The following CANT1 variants were observed in gnomAD, a reference collection of about 807,000 sequenced individuals.
CANT1 encodes calcium activated nucleotidase 1, also known as soluble calcium-activated nucleotidase 1.
Under a neutral mutation model 30.0 loss-of-function variants are expected in CANT1, and 26 were observed. That is an observed-to-expected ratio of 0.87 (90% CI 0.64 to 1.20). CANT1 has a LOEUF of 1.20. Among genes scored for constraint, CANT1 ranks in the 50% most tolerant of loss-of-function variants. The pLI is 0.00. For synonymous variants in CANT1, 246 were observed against 251.8 expected (o/e 0.98, Z 0.22); for missense variants, 518 against 563.0 (o/e 0.92, Z 0.81).
In CANT1 at chr17:79,008,395, T is replaced by C. The variant is rs1336371806; in HGVS notation, c.-147+1269A>G. Among the ~76,000 whole-genome samples, 5 of 152,212 alleles carry C rather than the reference T, an allele frequency of 3.3e-5. No individual in the cohort carries two copies. The highest frequency in any genetic ancestry group is 7.3e-5 in the Non-Finnish European group (5 of 68,028). ...GATCCTGAAGGGCTGCGGCACCCGC[T>C]TCCTTTTAGGAGCCTTCTACGACCT... On this transcript the variant is annotated intron_variant, in intron 1 of 4. Coordinates refer to ENST00000392446, the MANE Select transcript of CANT1 (RefSeq NM_001159773.2). The surrounding 1 kb of genome is among the most constrained non-coding windows in gnomAD (Gnocchi z 4.4).
chr17:78,993,815 C>A lies in CANT1; in HGVS notation c.941G>T (p.Arg314Leu). ...GCTCAGCAGCAGGTTGGCGCCCTTG[C>A]GCTCGTCGTCCTTCTCGCTGTAGCG... ...QERYSEKDDE[R>L]KGANLLLSAS... The change falls in exon 5 of 5, where the codon CGC becomes CTC. Residue 314 changes from arginine to leucine, a missense_variant. Coordinates refer to ENST00000392446, the MANE Select transcript of CANT1 (RefSeq NM_001159773.2). The surrounding 1 kb of genome is among the most constrained non-coding windows in gnomAD (Gnocchi z 4.5). The A allele has an allele frequency of 6.2e-7, 1 of 1,607,368 alleles. No individual in the cohort carries two copies. The highest frequency in any genetic ancestry group is 1.1e-5 in the South Asian group (1 of 90,992).
At position 78,997,937 on chromosome 17, in the gene CANT1, C is replaced by A; in HGVS notation, c.-120G>T. On this transcript the variant is annotated 5_prime_UTR_variant, in exon 2 of 5. An upstream start codon of the reference 5' UTR is lost. Coordinates refer to ENST00000392446, the MANE Select transcript of CANT1 (RefSeq NM_001159773.2). This position sits in a 1 kb window ranked among gnomAD's most constrained non-coding sequence, Gnocchi z 7.5. ...GGAAGCTGAGTGAGGAAGGAAGTTCCATGCAGGCTGGTGCTCTGTGGTCCC... is the reference window on the plus strand; with the variant it reads ...GGAAGCTGAGTGAGGAAGGAAGTTCAATGCAGGCTGGTGCTCTGTGGTCCC... 2 of 358,776 alleles carry A rather than the reference C, an allele frequency of 5.6e-6. No homozygotes were observed. Among genetic ancestry groups the A allele is most frequent in the Non-Finnish European group, 1.0e-5 (2 of 197,368 alleles). 22.2% of individuals were successfully genotyped at this position (358,776 alleles called of 1,614,324 possible). A position where few individuals can be genotyped will look rare whatever the true frequency, so the allele number is the denominator to read the frequency against.
At position 78,993,520 on chromosome 17, in the gene CANT1, G is replaced by T. The variant is rs879181367; in HGVS notation, c.*30C>A. 4.3e-6 allele frequency: 7 copies of T among 1,614,068 alleles called. No homozygotes were observed. The highest frequency in any genetic ancestry group is 2.2e-5 in the East Asian group (1 of 44,870). ...CTTGTTTTTATAAAAGCTGAGTCCT[G>T]ATGGCCTTGCTCAGTGTTTCCGTTT... On this transcript the variant is annotated 3_prime_UTR_variant, in exon 5 of 5. Coordinates refer to ENST00000392446, the MANE Select transcript of CANT1 (RefSeq NM_001159773.2). This position sits in a 1 kb window ranked among gnomAD's most constrained non-coding sequence, Gnocchi z 4.5.
Position 78,993,193 on chromosome 17 carries a change from T to C in CANT1, c.*357A>G. Reference sequence around the variant, plus strand: ...CTCACTGCGTTCTCAGGGTGAGGCATAGGGCCTGACATATGGTAGGAGCTC... The same window carrying C: ...CTCACTGCGTTCTCAGGGTGAGGCACAGGGCCTGACATATGGTAGGAGCTC... On this transcript the variant is annotated 3_prime_UTR_variant, in exon 5 of 5. Transcript: ENST00000392446. The surrounding 1 kb of genome is among the most constrained non-coding windows in gnomAD (Gnocchi z 4.5). The C allele has an allele frequency of 2.5e-6, 1 of 405,772 alleles. No homozygotes were observed. Among genetic ancestry groups the C allele is most frequent in the Non-Finnish European group, 4.6e-6 (1 of 218,282 alleles). 25.1% of individuals were successfully genotyped at this position (405,772 alleles called of 1,614,324 possible). A position where few individuals can be genotyped will look rare whatever the true frequency, so the allele number is the denominator to read the frequency against.
At chr17:79,009,251 G>A (rs1599259853) in intron 1 of CANT1, among the ~76,000 whole-genome samples, 1 of 151,518 alleles carries the variant, frequency 6.6e-6, no homozygotes, top group Non-Finnish European at 1.5e-5. Context: ...TAATTAGAAG[G>A]GGGGTGTCCC....
intron 1 of CANT1, among the ~76,000 whole-genome samples, chr17:79,003,539 C>G (rs1348927308): frequency 6.6e-6 from 1 of 152,086 alleles, no homozygotes; most frequent in Non-Finnish European, 1.5e-5. Flanking sequence ...TGGACAAAGT[C>G]CTTTCCAGAA....
At position 79,008,695 on chromosome 17, in the gene CANT1, G is replaced by A. The variant is rs117388726; in HGVS notation, c.-147+969C>T. On this transcript the variant is annotated intron_variant, in intron 1 of 4. Transcript: ENST00000392446. The surrounding 1 kb of genome is among the most constrained non-coding windows in gnomAD (Gnocchi z 4.4). Reference sequence around the variant, plus strand: ...CTGTGCCAAGCCTAGGGTACACAGAGGGCAAGGGAAAGACCATTCGGAGGG... The same window carrying A: ...CTGTGCCAAGCCTAGGGTACACAGAAGGCAAGGGAAAGACCATTCGGAGGG... Among the ~76,000 whole-genome samples the A allele has an allele frequency of 3.7e-3, 558 of 152,312 alleles. 9 individuals carry two copies. The highest frequency in any genetic ancestry group is 0.032 in the East Asian group (164 of 5,178).
chr17:79,009,449 C>A (rs1310929345), intron 1 of CANT1, among the ~76,000 whole-genome samples: 1 of 152,228 alleles, frequency 6.6e-6, no homozygotes, highest in Non-Finnish European at 1.5e-5. Flanking sequence ...CACCGCCTGT[C>A]GGAAGAAGGG....
Position 78,992,339 on chromosome 17 carries a change from G to A in CANT1, c.*1211C>T, listed in dbSNP as rs1397593176. The A allele has an allele frequency of 2.0e-5, 5 of 249,118 alleles. No individual in the cohort carries two copies. The highest frequency in any genetic ancestry group is 1.0e-4 in the Admixed American group (2 of 19,440). 15.4% of individuals were successfully genotyped at this position (249,118 alleles called of 1,614,324 possible). A position where few individuals can be genotyped will look rare whatever the true frequency, so the allele number is the denominator to read the frequency against. On this transcript the variant is annotated 3_prime_UTR_variant, in exon 5 of 5. Transcript: ENST00000392446. Reference sequence around the variant, plus strand: ...GGTAGGAGTGAGGGTGGGGGTCGGGGTGAGGTAGTGCTGTGGGGAGGGCAC... The same window carrying A: ...GGTAGGAGTGAGGGTGGGGGTCGGGATGAGGTAGTGCTGTGGGGAGGGCAC...
At chr17:79,004,296 G>A (rs2071399374) in intron 1 of CANT1, among the ~76,000 whole-genome samples, 1 of 29,210 alleles carries the variant, frequency 3.4e-5, no homozygotes, top group Non-Finnish European at 7.3e-5. Context: ...GAGTTAGGGA[G>A]GGGAGTTAGG....
chr17:78,992,795 C>A lies in CANT1; in HGVS notation c.*755G>T. ...GGCTGGGTAACTACAGGACTGTGCT[C>A]TGTGTGATAAGATTTGGTGATTCCA... On this transcript the variant is annotated 3_prime_UTR_variant, in exon 5 of 5. Coordinates refer to ENST00000392446, the MANE Select transcript of CANT1 (RefSeq NM_001159773.2). 1 of 497,166 alleles carries A rather than the reference C, an allele frequency of 2.0e-6. No individual in the cohort carries two copies. Among genetic ancestry groups the A allele is most frequent in the Non-Finnish European group, 3.9e-6 (1 of 256,868 alleles). 30.8% of individuals were successfully genotyped at this position (497,166 alleles called of 1,614,324 possible). A position where few individuals can be genotyped will look rare whatever the true frequency, so the allele number is the denominator to read the frequency against.
rs2145838842 is a variant in CANT1, at chr17:78,996,302, TCAGA to T, written c.631+686_631+689del. 6.6e-6 allele frequency among the ~76,000 whole-genome samples: 1 copy of T among 152,218 alleles called. No homozygotes were observed. The highest frequency in any genetic ancestry group is 1.5e-5 in the Non-Finnish European group (1 of 67,986). On this transcript the variant is annotated intron_variant, in intron 3 of 4. Transcript: ENST00000392446. This position sits in a 1 kb window ranked among gnomAD's most constrained non-coding sequence, Gnocchi z 5.1. ...TAGAAGGTGGGGATCCACCGCCAGC[TCAGA>T]CAAACGGAGCTCAGAGGAGCTGGCA...
intron 1 of CANT1, among the ~76,000 whole-genome samples, chr17:79,007,100 C>T (rs372518107): frequency 2.6e-5 from 4 of 152,348 alleles, no homozygotes; most frequent in East Asian, 1.9e-4. Flanking sequence ...GGGAACCAGG[C>T]GCTCCACATG....
chr17:79,002,178 T>A lies in CANT1; in HGVS notation c.-146-4215A>T, dbSNP rs1194591975. Reference sequence around the variant, plus strand: ...GATTTTTTGTTAAGCTCATCAGCTATCAATGGATTTTATGTGTGGCCCAAG... The same window carrying A: ...GATTTTTTGTTAAGCTCATCAGCTAACAATGGATTTTATGTGTGGCCCAAG... On this transcript the variant is annotated intron_variant, in intron 1 of 4. Coordinates refer to ENST00000392446, the MANE Select transcript of CANT1 (RefSeq NM_001159773.2). The surrounding 1 kb of genome is among the most constrained non-coding windows in gnomAD (Gnocchi z 4.0). Among the ~76,000 whole-genome samples the A allele has an allele frequency of 2.6e-5, 4 of 152,166 alleles. No individual in the cohort carries two copies. The highest frequency in any genetic ancestry group is 2.6e-4 in the Admixed American group (4 of 15,276).
rs759923329 is a variant in CANT1, at chr17:78,997,371, G to A, written c.252C>T (p.Ala84=). ...AHNWRLGQAP[A]NWYNDTYPLS... is the part of the protein sequence containing the mutation. ...GGGGGTAGGTGTCATTGTACCAGTT[G>A]GCGGGCGCCTGGCCGAGCCTCCAGT... The change falls in exon 3 of 5, where the codon GCC becomes GCT. Residue 84 remains alanine, a synonymous_variant. Transcript: ENST00000392446. This position sits in a 1 kb window ranked among gnomAD's most constrained non-coding sequence, Gnocchi z 7.5. 1 of 1,614,000 alleles carries A rather than the reference G, an allele frequency of 6.2e-7. No individual in the cohort carries two copies. Among genetic ancestry groups the A allele is most frequent in the Admixed American group, 1.7e-5 (1 of 60,020 alleles).
Position 78,992,127 on chromosome 17 carries a change from G to C in CANT1, c.*1423C>G, listed in dbSNP as rs1180043255. 1 of 231,822 alleles carries C rather than the reference G, an allele frequency of 4.3e-6. No individual in the cohort carries two copies. Among genetic ancestry groups the C allele is most frequent in the African/African-American group, 2.2e-5 (1 of 45,240 alleles). 14.4% of individuals were successfully genotyped at this position (231,822 alleles called of 1,614,324 possible). A position where few individuals can be genotyped will look rare whatever the true frequency, so the allele number is the denominator to read the frequency against. On this transcript the variant is annotated 3_prime_UTR_variant, in exon 5 of 5. Transcript: ENST00000392446. ...GTCACATTCAGCGTTCACTTCCTTCGCTTCCTCCACTACCTATGACATAGC... is the reference window on the plus strand; with the variant it reads ...GTCACATTCAGCGTTCACTTCCTTCCCTTCCTCCACTACCTATGACATAGC...
chr17:79,007,683 G>A (rs906258998), intron 1 of CANT1, among the ~76,000 whole-genome samples: 4 of 152,282 alleles, frequency 2.6e-5, no homozygotes, highest in African/African-American at 4.8e-5. Context: ...GTCTCCTCAC[G>A]TACTCTGCAG....
Position 79,008,903 on chromosome 17 carries a change from A to G in CANT1, c.-147+761T>C, listed in dbSNP as rs529122755. Among the ~76,000 whole-genome samples the G allele has an allele frequency of 6.6e-6, 1 of 152,334 alleles. No individual in the cohort carries two copies. The highest frequency in any genetic ancestry group is 2.1e-4 in the South Asian group (1 of 4,826). Reference sequence around the variant, plus strand: ...GGAAGGCTCCAAATTGGATGAGGGCAGGGAGAGCAAGGACTGGGATGGGGT... The same window carrying G: ...GGAAGGCTCCAAATTGGATGAGGGCGGGGAGAGCAAGGACTGGGATGGGGT... On this transcript the variant is annotated intron_variant, in intron 1 of 4. Transcript: ENST00000392446. This position sits in a 1 kb window ranked among gnomAD's most constrained non-coding sequence, Gnocchi z 4.4.
rs1405788469 is a variant in CANT1 at position 78,998,947 on chromosome 17, C to T, written c.-146-984G>A. On this transcript the variant is annotated intron_variant, in intron 1 of 4. Coordinates refer to ENST00000392446, the MANE Select transcript of CANT1 (RefSeq NM_001159773.2). The surrounding 1 kb of genome is among the most constrained non-coding windows in gnomAD (Gnocchi z 4.5). ...AGGGCGCCTGGGAAGGGCTTGGGGA[C>T]TCCAGTGGCTCCGTGCAATTCTGGG... Among the ~76,000 whole-genome samples, 1 of 152,166 alleles carries T rather than the reference C, an allele frequency of 6.6e-6. No homozygotes were observed. Among genetic ancestry groups the T allele is most frequent in the Non-Finnish European group, 1.5e-5 (1 of 68,014 alleles).
Sources: allele counts gnomAD v4.1 joint callset (sites outside exome capture counted in the v4.1 genomes callset), GRCh38; gene constraint gnomAD v4.1.1; non-coding constraint Gnocchi (gnomAD v3.1); transcripts MANE v1.5; gene names NCBI Gene and HGNC (gene_info 2026-07-23, HGNC 2026-07-21).